FOXP2: variants seen among roughly 807,000 people sequenced by gnomAD.
The protein encoded by FOXP2 is forkhead box protein P2.
A neutral mutation model predicts 115.8 loss-of-function variants in FOXP2; 12 were observed. The observed-to-expected ratio is 0.10, with a 90% CI of 0.07 to 0.17. The LOEUF (loss-of-function observed/expected upper bound fraction) is 0.17. Ranked by LOEUF, FOXP2 falls within the 10% of genes least tolerant of loss-of-function variation. The pLI, the probability that FOXP2 is intolerant of heterozygous loss-of-function variation, is 1.00. For synonymous variants in FOXP2, 328 were observed against 297.7 expected (o/e 1.10, Z -1.05); for missense variants, 629 against 843.5 (o/e 0.75, Z 3.15).
intron 2 of FOXP2, among the ~76,000 whole-genome samples, chr7:114,482,835 A>G (rs953114431): frequency 6.6e-6 from 1 of 151,690 alleles, no homozygotes; most frequent in Non-Finnish European, 1.5e-5. Flanking sequence ...CAATGGAGAC[A>G]TGGTTTTAAT....
At chr7:114,342,558 A>G (rs991003998) in intron 2 of FOXP2, among the ~76,000 whole-genome samples, 1 of 151,414 alleles carries the variant, frequency 6.6e-6, no homozygotes, top group Non-Finnish European at 1.5e-5. Flanking sequence ...AGGTTAAATG[A>G]CACCCATTTT....
chr7:114,244,977 T>A, intron 1 of FOXP2, among the ~76,000 whole-genome samples: 1 of 152,154 alleles, frequency 6.6e-6, no homozygotes, highest in Admixed American at 6.5e-5. Context: ...TTAGCCAGGA[T>A]GGTCTCGATC....
chr7:114,283,837 C>A (rs1376198260), intron 1 of FOXP2, among the ~76,000 whole-genome samples: 2 of 151,816 alleles, frequency 1.3e-5, no homozygotes, highest in African/African-American at 4.8e-5. Context: ...TGGCTCACAC[C>A]CGGAGTCCCA....
chr7:114,652,178 T>TG, intron 8 of FOXP2, 25 bp from the exon 9 acceptor site: 1 of 1,609,340 alleles, frequency 6.2e-7, no homozygotes, highest in Non-Finnish European at 8.5e-7. Context: ...CTTTACATTC[T>TG]GTTTTGTGTC....
chr7:114,487,914 C>CA (rs1215778155), intron 2 of FOXP2, among the ~76,000 whole-genome samples: 1 of 152,174 alleles, frequency 6.6e-6, no homozygotes, highest in Non-Finnish European at 1.5e-5. Context: ...TGTTCCAACC[C>CA]ATGCCTGTTA....
At chr7:114,374,375 A>G (rs988232362) in intron 2 of FOXP2, among the ~76,000 whole-genome samples, 1 of 152,226 alleles carries the variant, frequency 6.6e-6, no homozygotes, top group African/African-American at 2.4e-5. Flanking sequence ...ATTCAAAATA[A>G]TGTGAGATTT....
rs115425527 is a variant in FOXP2 at position 114,152,853 on chromosome 7, G to A, written c.-246-10091G>A. Among the ~76,000 whole-genome samples the A allele has an allele frequency of 2.7e-3, 405 of 152,150 alleles. 2 individuals are homozygous for A. The highest frequency in any genetic ancestry group is 8.8e-3 in the African/African-American group (365 of 41,522). On this transcript the variant is annotated intron_variant, in intron 1 of 19. Transcript: ENST00000635638. ...GCCATGTGGGGCCCCCATACACTGC[G>A]TACCTCAGTTTTCATCATCTGGTGA...
intron 16 of FOXP2, chr7:114,666,377 G>A (rs1016647051): frequency 6.6e-6 from 1 of 151,820 alleles, no homozygotes; most frequent in African/African-American, 2.4e-5. Context: ...CTGTCATTAG[G>A]TTTTTGCATA....
At chr7:114,405,391 A>G (rs556125978) in intron 2 of FOXP2, among the ~76,000 whole-genome samples, 1 of 152,054 alleles carries the variant, frequency 6.6e-6, no homozygotes, top group East Asian at 1.9e-4. Flanking sequence ...ACAAATAGTA[A>G]TATCTATTAA....
chr7:114,251,494 C>T (rs1349350795), intron 1 of FOXP2, among the ~76,000 whole-genome samples: 1 of 152,100 alleles, frequency 6.6e-6, no homozygotes, highest in Non-Finnish European at 1.5e-5. Context: ...TTGTAGTTCT[C>T]CTCGAAGAAA....
chr7:114,272,786 C>G (rs1796098573), intron 1 of FOXP2, among the ~76,000 whole-genome samples: 2 of 151,792 alleles, frequency 1.3e-5, no homozygotes, highest in East Asian at 1.9e-4. Context: ...AGTGATTTCT[C>G]TCCTCTGTAG....
chr7:114,627,620 C>T (rs191676475), intron 3 of FOXP2, among the ~76,000 whole-genome samples: 1 of 152,158 alleles, frequency 6.6e-6, no homozygotes, highest in Non-Finnish European at 1.5e-5. Flanking sequence ...CCTTTTTCTA[C>T]GTTTTCCTTA....
chr7:114,298,693 T>C (rs74628048), intron 2 of FOXP2, among the ~76,000 whole-genome samples: 6,005 of 152,224 alleles, frequency 0.039, 290 homozygotes, highest in African/African-American at 0.12. Flanking sequence ...TTCAAATCTC[T>C]CCAGTAGTCT....
chr7:114,403,354 T>C (rs1194990889), intron 2 of FOXP2, among the ~76,000 whole-genome samples: 1 of 152,228 alleles, frequency 6.6e-6, no homozygotes, highest in East Asian at 1.9e-4. Context: ...TGATATGAGA[T>C]TGTATAGTAC....
intron 2 of FOXP2, among the ~76,000 whole-genome samples, chr7:114,363,879 G>A (rs996495268): frequency 1.1e-4 from 17 of 151,966 alleles, no homozygotes; most frequent in Non-Finnish European, 1.9e-4. Flanking sequence ...ATTGTTAAGC[G>A]CTAGACTTGC....
At chr7:114,246,375 G>A (rs1435204764) in intron 1 of FOXP2, among the ~76,000 whole-genome samples, 1 of 151,940 alleles carries the variant, frequency 6.6e-6, no homozygotes, top group Non-Finnish European at 1.5e-5. Context: ...TTTCTAATGA[G>A]ACCCCCAAAA....
At chr7:114,378,982 G>A (rs1380756712) in intron 2 of FOXP2, among the ~76,000 whole-genome samples, 1 of 151,760 alleles carries the variant, frequency 6.6e-6, no homozygotes, top group Non-Finnish European at 1.5e-5. Flanking sequence ...GTTTCTTAAA[G>A]GTTTCATTGA....
intron 1 of FOXP2, among the ~76,000 whole-genome samples, chr7:114,139,590 T>A (rs1792146918): frequency 6.6e-6 from 1 of 152,198 alleles, no homozygotes; most frequent in African/African-American, 2.4e-5. Context: ...TTTTGGTGAC[T>A]GGTCAAATAT....
At chr7:114,345,227 G>T (rs903745165) in intron 2 of FOXP2, among the ~76,000 whole-genome samples, 1 of 151,746 alleles carries the variant, frequency 6.6e-6, no homozygotes, top group Non-Finnish European at 1.5e-5. Flanking sequence ...GAAATTGGAT[G>T]TGTCCAAAAT....
Sources: gnomAD v4.1 joint callset for allele counts (sites outside exome capture counted in the v4.1 genomes callset) on GRCh38, gnomAD v4.1.1 for gene constraint, MANE v1.5 for transcripts, NCBI Gene and HGNC (gene_info 2026-07-23, HGNC 2026-07-21) for gene names.